The following GPC5 variants were observed in gnomAD, a reference collection of about 807,000 sequenced individuals.
GPC5 encodes glypican-5.
A neutral mutation model predicts 53.9 loss-of-function variants in GPC5; 47 were observed. The observed-to-expected ratio is 0.87, with a 90% CI of 0.69 to 1.11. The LOEUF is 1.11. Ranked by LOEUF, GPC5 falls within the 50% of genes most tolerant of loss-of-function variation. The pLI is 0.00. For missense variants in GPC5, 748 were observed against 713.1 expected, an observed-to-expected ratio of 1.05 and a Z score of -0.56; for synonymous variants, 286 against 263.3, an observed-to-expected ratio of 1.09 and a Z score of -0.84.
At chr13:91,858,809 T>G (rs531604640) in intron 5 of GPC5, among the ~76,000 whole-genome samples, 7 of 152,114 alleles carry the variant, frequency 4.6e-5, no homozygotes, top group Admixed American at 3.3e-4. Flanking sequence ...CCTGGGAAAC[T>G]TTTTATTATG....
intron 7 of GPC5, among the ~76,000 whole-genome samples, chr13:92,610,065 A>G (rs973239259): frequency 1.3e-5 from 2 of 150,490 alleles, no homozygotes; most frequent in Non-Finnish European, 1.5e-5. Flanking sequence ...ATGAAGTTCA[A>G]TGTACACAGC....
chr13:92,573,720 T>A (rs1391385428), intron 7 of GPC5, among the ~76,000 whole-genome samples: 4 of 152,122 alleles, frequency 2.6e-5, no homozygotes, highest in Non-Finnish European at 5.9e-5. Context: ...GCTCCTACCA[T>A]GTGGCTAAAA....
chr13:92,805,585 C>A (rs1296847866), intron 7 of GPC5, among the ~76,000 whole-genome samples: 1 of 151,924 alleles, frequency 6.6e-6, no homozygotes, highest in African/African-American at 2.4e-5. Context: ...TACAGGTGCA[C>A]ACCACCATGC....
chr13:92,313,544 CT>C (rs920441881), intron 7 of GPC5, among the ~76,000 whole-genome samples: 1 of 152,274 alleles, frequency 6.6e-6, no homozygotes, highest in African/African-American at 2.4e-5. Flanking sequence ...AGTTGAGGTT[CT>C]TTTTTGCTGA....
At chr13:91,431,550 T>C (rs1246094571) in intron 1 of GPC5, among the ~76,000 whole-genome samples, 1 of 152,208 alleles carries the variant, frequency 6.6e-6, no homozygotes, top group African/African-American at 2.4e-5. Flanking sequence ...GGCACTTCTC[T>C]CCTAATTATA....
At chr13:91,996,515 T>C (rs2040505310) in intron 6 of GPC5, 1 of 152,222 alleles carries the variant, frequency 6.6e-6, no homozygotes, top group African/African-American at 2.4e-5. Flanking sequence ...GAAGTAAGTT[T>C]TTAAAAGCAA....
intron 5 of GPC5, among the ~76,000 whole-genome samples, chr13:91,798,728 C>G (rs141378473): frequency 2.4e-4 from 36 of 152,142 alleles, no homozygotes; most frequent in African/African-American, 8.4e-4. Flanking sequence ...CAAAGAGATA[C>G]CATTTGACCC....
Position 91,728,561 on chromosome 13 carries a change from A to G in GPC5, c.1050A>G (p.Arg350=). Residue 350 remains arginine, a synonymous_variant, in exon 4 of 8, where the codon AGA becomes AGG. Coordinates refer to ENST00000377067, the MANE Select transcript of GPC5 (RefSeq NM_004466.6). ...ATAGGATTTGTGGCCGCCCTGTAAG[A>G]ACACCCACACAAAGCCCCCGTTGTT... ...QVNRICGRPV[R]TPTQSPRCSF... The G allele has an allele frequency of 6.2e-7, 1 of 1,612,334 alleles. No homozygotes were observed. The highest frequency in any genetic ancestry group is 1.1e-5 in the South Asian group (1 of 90,896).
chr13:92,162,213 C>A (rs1020768340), intron 7 of GPC5, among the ~76,000 whole-genome samples: 15 of 151,944 alleles, frequency 9.9e-5, no homozygotes, highest in African/African-American at 3.4e-4. Context: ...GAGTCACTTA[C>A]AGCTTCTTTA....
chr13:92,633,066 T>G (rs1458776321), intron 7 of GPC5, among the ~76,000 whole-genome samples: 1 of 152,152 alleles, frequency 6.6e-6, no homozygotes, highest in African/African-American at 2.4e-5. Context: ...TATTTTTGTA[T>G]TTTTAGTAAA....
intron 5 of GPC5, among the ~76,000 whole-genome samples, chr13:91,836,875 T>G (rs1349949946): frequency 6.6e-6 from 1 of 151,450 alleles, no homozygotes; most frequent in Non-Finnish European, 1.5e-5. Flanking sequence ...ATAAGAAATC[T>G]GTTCCCATTC....
chr13:91,772,094 C>T (rs931401935), intron 5 of GPC5, among the ~76,000 whole-genome samples: 2 of 152,166 alleles, frequency 1.3e-5, no homozygotes, highest in African/African-American at 2.4e-5. Context: ...ATCTGATTCT[C>T]ATAGCACACC....
chr13:91,718,783 A>G (rs2036401898), intron 3 of GPC5, among the ~76,000 whole-genome samples: 1 of 152,048 alleles, frequency 6.6e-6, no homozygotes, highest in Non-Finnish European at 1.5e-5. Context: ...TTCCCTGAAG[A>G]CCCTGGTTCC....
At chr13:91,585,541 T>C (rs1019432725) in intron 2 of GPC5, among the ~76,000 whole-genome samples, 18 of 152,212 alleles carry the variant, frequency 1.2e-4, no homozygotes, top group African/African-American at 4.3e-4. Context: ...TGAGGTATAC[T>C]GTGCAATTAT....
chr13:92,770,955 G>T (rs1239481388), intron 7 of GPC5, among the ~76,000 whole-genome samples: 2 of 152,062 alleles, frequency 1.3e-5, no homozygotes, highest in African/African-American at 4.8e-5. Context: ...AGAAGTGGTA[G>T]TTCTATTTCC....
intron 7 of GPC5, among the ~76,000 whole-genome samples, chr13:92,147,257 A>T (rs376502922): frequency 1.9e-4 from 29 of 152,016 alleles, no homozygotes; most frequent in East Asian, 9.6e-4. Flanking sequence ...ACACTTATCC[A>T]TCAGGGCAGT....
At chr13:92,661,921 A>G (rs1039221110) in intron 7 of GPC5, among the ~76,000 whole-genome samples, 3 of 152,028 alleles carry the variant, frequency 2.0e-5, no homozygotes, top group Non-Finnish European at 2.9e-5. Context: ...TTCTTCTTCA[A>G]TATCTTTGTT....
At chr13:91,457,687 T>C (rs907397753) in intron 2 of GPC5, among the ~76,000 whole-genome samples, 6 of 152,130 alleles carry the variant, frequency 3.9e-5, no homozygotes, top group South Asian at 2.1e-4. Flanking sequence ...AAGGTTAACA[T>C]TGGAGACATG....
intron 7 of GPC5, among the ~76,000 whole-genome samples, chr13:92,483,770 A>G (rs555632612): frequency 6.6e-6 from 1 of 151,984 alleles, no homozygotes; most frequent in East Asian, 1.9e-4. Context: ...ATATTATTCT[A>G]AAGCTTTTAT....
Sources: allele counts gnomAD v4.1 joint callset (sites outside exome capture counted in the v4.1 genomes callset), GRCh38; gene constraint gnomAD v4.1.1; transcripts MANE v1.5; gene names NCBI Gene and HGNC (gene_info 2026-07-23, HGNC 2026-07-21).